NBEA: variants seen among roughly 807,000 people sequenced by gnomAD.
The protein encoded by NBEA is neurobeachin, also known as lysosomal-trafficking regulator 2.
Under a neutral mutation model 343.4 loss-of-function variants are expected in NBEA, and 44 were observed. The ratio of observed to expected loss-of-function variants is 0.13; its 90% CI spans 0.10 to 0.16. The LOEUF (loss-of-function observed/expected upper bound fraction) is 0.16. Ranked by LOEUF, NBEA falls within the 10% of genes least tolerant of loss-of-function variation. The probability of loss-of-function intolerance (pLI) is 1.00; values close to 1 mark genes in which losing one functional copy is unlikely to be tolerated. For missense variants in NBEA, 2,555 were observed against 3,631.3 expected (o/e 0.70, Z 7.62); for synonymous variants, 1,175 against 1,238.7 (o/e 0.95, Z 1.08).
chr13:35,038,531 G>A (rs898520428), intron 1 of NBEA, among the ~76,000 whole-genome samples: 8 of 152,052 alleles, frequency 5.3e-5, no homozygotes, highest in Non-Finnish European at 1.0e-4. Context: ...TAGTACCTTG[G>A]TATCACTGCT....
chr13:35,670,130 T>G (rs1395699059), intron 58 of NBEA, among the ~76,000 whole-genome samples: 1 of 152,158 alleles, frequency 6.6e-6, no homozygotes, highest in Non-Finnish European at 1.5e-5. Flanking sequence ...AAAAGGTATT[T>G]ATTGGATGAG....
chr13:35,509,830 C>T (rs2077208238), intron 41 of NBEA, among the ~76,000 whole-genome samples: 1 of 152,072 alleles, frequency 6.6e-6, no homozygotes, highest in Non-Finnish European at 1.5e-5. Context: ...CTGAAAATAG[C>T]CATTGAATTG....
At chr13:35,002,061 A>G (rs1240102185) in intron 1 of NBEA, among the ~76,000 whole-genome samples, 1 of 152,190 alleles carries the variant, frequency 6.6e-6, no homozygotes, top group Non-Finnish European at 1.5e-5. Context: ...AAGGAAAGAT[A>G]AACTATGGTG....
At chr13:35,216,364 G>T (rs1376078485) in intron 33 of NBEA, among the ~76,000 whole-genome samples, 3 of 151,844 alleles carry the variant, frequency 2.0e-5, no homozygotes, top group African/African-American at 7.2e-5. Flanking sequence ...CTTATGTATT[G>T]CCTATCACTG....
In NBEA at chr13:35,098,368, G is replaced by C. The variant is rs576197293; in HGVS notation, c.1643G>C (p.Gly548Ala). 17 of 1,592,008 alleles carry C rather than the reference G, an allele frequency of 1.1e-5. No individual in the cohort carries two copies. In the South Asian group the frequency reaches 1.9e-4, roughly 18 times the overall value. ...SVAMQEQMLGGKGFLVIGYLL... is the reference protein window; with the variant it reads ...SVAMQEQMLGAKGFLVIGYLL... ...GCCATGCAAGAACAGATGCTGGGTG[G>C]AAAAGGCTTTTTAGTCATTGGCTAC... The change falls in exon 11 of 59, where the codon GGA becomes GCA. Residue 548 changes from glycine to alanine, a missense_variant. Around this residue, in one of 21 missense-constraint regions of NBEA, gnomAD observed 360 missense variants for 519.1 expected, o/e 0.69. Coordinates refer to ENST00000379939, the MANE Select transcript of NBEA (RefSeq NM_001385012.1).
At chr13:34,999,685 A>G (rs1041547138) in intron 1 of NBEA, among the ~76,000 whole-genome samples, 1 of 151,866 alleles carries the variant, frequency 6.6e-6, no homozygotes, top group Non-Finnish European at 1.5e-5. Flanking sequence ...ACTCAGCCTT[A>G]TGGGTTTGAA....
chr13:35,274,545 A>G (rs1261342075), intron 34 of NBEA, among the ~76,000 whole-genome samples: 1 of 152,210 alleles, frequency 6.6e-6, no homozygotes, highest in African/African-American at 2.4e-5. Context: ...AATAAAGCAT[A>G]TTCAGTTATG....
chr13:35,099,646 GCT>G (rs1428760585), intron 11 of NBEA, among the ~76,000 whole-genome samples: 1 of 151,992 alleles, frequency 6.6e-6, no homozygotes, highest in African/African-American at 2.4e-5. Flanking sequence ...ATTATTTTGT[GCT>G]CTTTTTCCCT....
At chr13:35,502,683 T>C (rs1012197836) in intron 41 of NBEA, among the ~76,000 whole-genome samples, 6 of 152,060 alleles carry the variant, frequency 3.9e-5, no homozygotes, top group African/African-American at 7.2e-5. Context: ...CTTATGACAG[T>C]AGGATCTATA....
chr13:35,569,929 T>G (rs2080315313), intron 45 of NBEA, among the ~76,000 whole-genome samples: 1 of 152,260 alleles, frequency 6.6e-6, no homozygotes. Context: ...TTTTTTCATT[T>G]ATCCATGTAG....
chr13:35,251,655 G>T, intron 34 of NBEA: 1 of 840,252 alleles, frequency 1.2e-6, no homozygotes, highest in Admixed American at 3.1e-5. Context: ...ATGAGCAGCA[G>T]AAAGAGGCGG....
intron 36 of NBEA, among the ~76,000 whole-genome samples, chr13:35,339,803 A>G (rs1207151068): frequency 2.0e-5 from 3 of 152,060 alleles, no homozygotes; most frequent in African/African-American, 7.2e-5. Context: ...ACACTCTATC[A>G]TGAGAACAGC....
At chr13:35,489,785 A>T (rs1014800754) in intron 41 of NBEA, among the ~76,000 whole-genome samples, 5 of 152,054 alleles carry the variant, frequency 3.3e-5, no homozygotes, top group South Asian at 2.1e-4. Context: ...AAAGCTCATT[A>T]AAAAATGTAC....
chr13:35,583,900 A>C lies in NBEA; in HGVS notation c.7038A>C (p.Pro2346=). 1 of 1,607,786 alleles carries C rather than the reference A, an allele frequency of 6.2e-7. No homozygotes were observed. The highest frequency in any genetic ancestry group is 8.5e-7 in the Non-Finnish European group (1 of 1,178,134). The change falls in exon 46 of 59, where the codon CCA becomes CCC. Residue 2346 remains proline, a splice_region_variant and synonymous_variant. Transcript: ENST00000379939. ...AAATATTTTTTTTCTTTTAATAGCCAATTGGTGCTTTGAACCCCAAGAGAG... is the reference window on the plus strand; with the variant it reads ...AAATATTTTTTTTCTTTTAATAGCCCATTGGTGCTTTGAACCCCAAGAGAG... ...LPGNFRDLSK[P]IGALNPKRAV...
chr13:35,579,164 T>C (rs1777668), intron 45 of NBEA, among the ~76,000 whole-genome samples: 90,448 of 151,926 alleles, frequency 0.6, 27,018 homozygotes, highest in Middle Eastern at 0.73. Flanking sequence ...TTCAGTGTTA[T>C]TGACATTGCT....
At chr13:35,210,184 A>G (rs918296780) in intron 32 of NBEA, among the ~76,000 whole-genome samples, 19 of 151,982 alleles carry the variant, frequency 1.3e-4, no homozygotes, top group Non-Finnish European at 2.6e-4. Flanking sequence ...TTAAGAATTA[A>G]TAATATGGAA....
chr13:35,397,358 A>G (rs535095907), intron 38 of NBEA, among the ~76,000 whole-genome samples: 1 of 152,274 alleles, frequency 6.6e-6, no homozygotes, highest in South Asian at 2.1e-4. Flanking sequence ...TCAACTTCTC[A>G]TAGAGGCTTT....
rs547992736 is a variant in NBEA at position 35,577,325 on chromosome 13, G to A, written c.7036-6573G>A. On this transcript the variant is annotated intron_variant, in intron 45 of 58. Coordinates refer to ENST00000379939, the MANE Select transcript of NBEA (RefSeq NM_001385012.1). Reference sequence around the variant, plus strand: ...AGCTCACCTGCACCAGGTAGACCAAGAGTGGGGAAGGAATGGTTCACAAAG... The same window carrying A: ...AGCTCACCTGCACCAGGTAGACCAAAAGTGGGGAAGGAATGGTTCACAAAG... 9.2e-5 allele frequency among the ~76,000 whole-genome samples: 14 copies of A among 152,320 alleles called. 1 individual carries two copies. The South Asian group carries it at 2.9e-3, about 32-fold the overall frequency.
chr13:35,414,672 A>G (rs1466584307), intron 38 of NBEA, among the ~76,000 whole-genome samples: 8 of 152,174 alleles, frequency 5.3e-5, no homozygotes, highest in African/African-American at 1.9e-4. Flanking sequence ...GCTATTGTGA[A>G]TAGTGCCACA....
Sources: allele counts gnomAD v4.1 joint callset (sites outside exome capture counted in the v4.1 genomes callset), GRCh38; gene constraint gnomAD v4.1.1; regional missense constraint gnomAD v4.1.1; transcripts MANE v1.5; gene names NCBI Gene and HGNC (gene_info 2026-07-23, HGNC 2026-07-21).